Variants in NRXN1 observed in about 807,000 individuals in gnomAD.
NRXN1 encodes the protein neurexin-1.
NRXN1 carries 39 observed loss-of-function variants against 150.9 expected under a neutral mutation model. The observed-to-expected ratio is 0.26, with a 90% confidence interval of 0.20 to 0.34. The LOEUF (loss-of-function observed/expected upper bound fraction) is 0.34, where lower values mean the gene tolerates loss of function less well. NRXN1 is among the 10% of genes least tolerant of loss of function. The pLI is 1.00. For missense variants in NRXN1, 1,815 were observed against 1,949.9 expected (o/e 0.93, Z 1.30); for synonymous variants, 924 against 757.0 (o/e 1.22, Z -3.62).
intron 21 of NRXN1, among the ~76,000 whole-genome samples, chr2:50,051,133 A>C (rs1027664799): frequency 2.6e-5 from 4 of 151,996 alleles, no homozygotes; most frequent in African/African-American, 9.7e-5. Context: ...TTGGCAATTA[A>C]GGAGCAGTTA....
At position 49,919,495 on chromosome 2, in the gene NRXN1, T is replaced by C. The variant is rs776753529; in HGVS notation, c.*2449A>G. The C allele has an allele frequency of 5.3e-5, 8 of 152,010 alleles. No individual in the cohort carries two copies. The highest frequency in any genetic ancestry group is 2.9e-5 in the Non-Finnish European group (2 of 67,940). The allele number at this position is 152,010 out of a possible 1,614,324, so 9.4% of individuals were successfully genotyped here. A position where few individuals can be genotyped will look rare whatever the true frequency, so the allele number is the denominator to read the frequency against. ...CCATTATTCAATTTATTTTCTATTATATTTTAGAATCTTTCCAGATGGAAA... is the reference window on the plus strand; with the variant it reads ...CCATTATTCAATTTATTTTCTATTACATTTTAGAATCTTTCCAGATGGAAA... On this transcript the variant is annotated 3_prime_UTR_variant, in exon 23 of 23. Coordinates refer to ENST00000401669, the MANE Select transcript of NRXN1 (RefSeq NM_001330078.2).
chr2:50,261,660 A>C (rs769550428), intron 17 of NRXN1, among the ~76,000 whole-genome samples: 11 of 151,888 alleles, frequency 7.2e-5, no homozygotes, highest in Non-Finnish European at 1.6e-4. Flanking sequence ...TCCAAAATAG[A>C]TTCCTTTAAT....
At chr2:49,977,987 C>A (rs1679281101) in intron 21 of NRXN1, among the ~76,000 whole-genome samples, 1 of 151,974 alleles carries the variant, frequency 6.6e-6, no homozygotes, top group South Asian at 2.1e-4. Context: ...CATGGTGAAA[C>A]CCTGTCTCTA....
intron 9 of NRXN1, among the ~76,000 whole-genome samples, chr2:50,539,928 A>G (rs2093352266): frequency 6.6e-6 from 1 of 152,144 alleles, no homozygotes; most frequent in Non-Finnish European, 1.5e-5. Context: ...ACAGAATACC[A>G]AAAGCCCGCC....
intron 17 of NRXN1, among the ~76,000 whole-genome samples, chr2:50,377,470 T>A (rs2080600310): frequency 6.6e-6 from 1 of 152,206 alleles, no homozygotes; most frequent in South Asian, 2.1e-4. Flanking sequence ...ATGATGTATA[T>A]GTGCCACATG....
intron 18 of NRXN1, among the ~76,000 whole-genome samples, chr2:50,168,201 G>T (rs1214733444): frequency 1.3e-5 from 2 of 152,082 alleles, no homozygotes; most frequent in Non-Finnish European, 2.9e-5. Flanking sequence ...AGAGAGACAT[G>T]GCAAACATTA....
At chr2:50,749,321 T>C (rs3842981) in intron 5 of NRXN1, among the ~76,000 whole-genome samples, 1 of 151,966 alleles carries the variant, frequency 6.6e-6, no homozygotes, top group Non-Finnish European at 1.5e-5. Flanking sequence ...ATTGGACTAG[T>C]TGGTTTCTGA....
chr2:50,288,369 G>A (rs936049816), intron 17 of NRXN1, among the ~76,000 whole-genome samples: 5 of 152,010 alleles, frequency 3.3e-5, no homozygotes, highest in Non-Finnish European at 5.9e-5. Flanking sequence ...AGCCTACACA[G>A]CAAAGAATTA....
intron 17 of NRXN1, among the ~76,000 whole-genome samples, chr2:50,463,642 T>C (rs1264779365): frequency 6.6e-6 from 1 of 151,826 alleles, no homozygotes; most frequent in Non-Finnish European, 1.5e-5. Context: ...GAAGACAGCA[T>C]GATACTTATG....
chr2:50,846,979 G>C (rs1673749206), intron 5 of NRXN1, among the ~76,000 whole-genome samples: 1 of 152,164 alleles, frequency 6.6e-6, no homozygotes, highest in Non-Finnish European at 1.5e-5. Flanking sequence ...TGGATAAAAA[G>C]TATGCTCTAG....
chr2:50,765,324 C>T (rs770320466), intron 5 of NRXN1, among the ~76,000 whole-genome samples: 10 of 151,968 alleles, frequency 6.6e-5, no homozygotes, highest in African/African-American at 1.2e-4. Flanking sequence ...CATTAAGAGA[C>T]GGAGAGGCAG....
At chr2:50,357,303 T>TTTATTTATTTTA (rs1166647503) in intron 17 of NRXN1, among the ~76,000 whole-genome samples, 1 of 135,834 alleles carries the variant, frequency 7.4e-6, no homozygotes, top group African/African-American at 3.0e-5. Context: ...TATTTATTTA[T>TTTATTTATTTTA]TTTTTTTTTT....
chr2:50,565,665 C>T (rs1669734820), intron 8 of NRXN1, among the ~76,000 whole-genome samples: 2 of 152,006 alleles, frequency 1.3e-5, no homozygotes, highest in Non-Finnish European at 2.9e-5. Context: ...TTTAATTAAA[C>T]ACTAGTTTGA....
chr2:50,592,728 T>C (rs1484261421), intron 8 of NRXN1, among the ~76,000 whole-genome samples: 5 of 152,232 alleles, frequency 3.3e-5, no homozygotes, highest in Non-Finnish European at 7.3e-5. Flanking sequence ...TTTGATTCTT[T>C]TTTTGATACA....
intron 17 of NRXN1, among the ~76,000 whole-genome samples, chr2:50,373,673 A>G (rs1318697425): frequency 0.01 from 1,107 of 108,400 alleles, 27 homozygotes; most frequent in African/African-American, 0.039. Flanking sequence ...AAAGAAAGAA[A>G]GAAAGAAAAG....
intron 9 of NRXN1, among the ~76,000 whole-genome samples, 156 bp downstream of exon 9, chr2:50,552,431 C>G (rs1381887877): frequency 1.3e-5 from 2 of 152,136 alleles, no homozygotes; most frequent in Non-Finnish European, 2.9e-5. Flanking sequence ...CTCTTTCTTT[C>G]ATGGTGTGAA....
At chr2:50,496,903 T>G (rs962748586) in intron 14 of NRXN1, among the ~76,000 whole-genome samples, 21 of 152,326 alleles carry the variant, frequency 1.4e-4, no homozygotes, top group African/African-American at 5.1e-4. Context: ...TCTAAGGCAC[T>G]CTGACATAGA....
chr2:49,978,961 A>C (rs1365847004), intron 21 of NRXN1, among the ~76,000 whole-genome samples: 3 of 152,182 alleles, frequency 2.0e-5, no homozygotes, highest in Non-Finnish European at 2.9e-5. Context: ...GACAAATTTC[A>C]AGGTGCTTTC....
intron 5 of NRXN1, among the ~76,000 whole-genome samples, chr2:50,827,392 T>G (rs1329198646): frequency 6.6e-6 from 1 of 152,170 alleles, no homozygotes; most frequent in Admixed American, 6.5e-5. Flanking sequence ...ATAATTAATG[T>G]GCTTATAAAA....
Sources: allele counts gnomAD v4.1 joint callset (sites outside exome capture counted in the v4.1 genomes callset), GRCh38; gene constraint gnomAD v4.1.1; transcripts MANE v1.5; gene names NCBI Gene and HGNC (gene_info 2026-07-23, HGNC 2026-07-21).